The following CDH13 variants were observed in gnomAD, a reference collection of about 807,000 sequenced individuals.
CDH13 encodes the protein cadherin 13.
Under a neutral mutation model 63.8 loss-of-function variants are expected in CDH13, and 24 were observed. That is an observed-to-expected ratio of 0.38 (90% CI 0.27 to 0.53). The LOEUF (loss-of-function observed/expected upper bound fraction) is 0.53. Ranked by LOEUF, CDH13 falls within the 20% of genes least tolerant of loss-of-function variation. CDH13 has a pLI of 0.85. For synonymous variants in CDH13, 503 were observed against 355.3 expected, an observed-to-expected ratio of 1.42 and a Z score of -4.67; for missense variants, 1,049 against 903.1, an observed-to-expected ratio of 1.16 and a Z score of -2.07.
chr16:82,996,467 C>T lies in CDH13; in HGVS notation c.158-35543C>T, dbSNP rs189244890. On this transcript the variant is annotated intron_variant, in intron 2 of 13. Coordinates refer to ENST00000567109, the MANE Select transcript of CDH13 (RefSeq NM_001257.5). ...GCATGGTCCTGCTTTATCTCTCTGC[C>T]GGGCTAGTCTCCATGTTCATTAGAA... Among the ~76,000 whole-genome samples the T allele has an allele frequency of 2.2e-3, 342 of 152,124 alleles. 1 individual carries two copies. Among genetic ancestry groups the T allele is most frequent in the Middle Eastern group, 3.4e-3 (1 of 294 alleles).
intron 4 of CDH13, among the ~76,000 whole-genome samples, chr16:83,185,561 T>C (rs2038492484): frequency 6.6e-6 from 1 of 152,192 alleles, no homozygotes. Context: ...TAAGTCATGA[T>C]TTTTCATACT....
chr16:83,238,616 C>G (rs1371024347), intron 5 of CDH13, among the ~76,000 whole-genome samples: 1 of 152,104 alleles, frequency 6.6e-6, no homozygotes, highest in Non-Finnish European at 1.5e-5. Flanking sequence ...TTGTTTCTTA[C>G]CTAGGTTGGT....
chr16:83,653,254 T>C (rs1213723899), intron 8 of CDH13, among the ~76,000 whole-genome samples: 1 of 152,186 alleles, frequency 6.6e-6, no homozygotes, highest in African/African-American at 2.4e-5. Flanking sequence ...TCTGTGAATG[T>C]ACTGGAATCC....
intron 2 of CDH13, among the ~76,000 whole-genome samples, chr16:82,982,438 A>G (rs1173406699): frequency 2.0e-5 from 3 of 152,194 alleles, no homozygotes; most frequent in Non-Finnish European, 4.4e-5. Flanking sequence ...AAGTCCTAAA[A>G]AATCTAAAGT....
At chr16:83,723,718 C>T (rs1048300226) in intron 10 of CDH13, among the ~76,000 whole-genome samples, 9 of 152,332 alleles carry the variant, frequency 5.9e-5, no homozygotes, top group Non-Finnish European at 1.3e-4. Context: ...CTCCCTTCCT[C>T]TTGTAGAACA....
intron 1 of CDH13, among the ~76,000 whole-genome samples, chr16:82,839,023 C>G (rs7206608): frequency 0.32 from 48,231 of 152,172 alleles, 7,870 homozygotes; most frequent in African/African-American, 0.34. Context: ...AATAGGTAAA[C>G]CAATGAGCAT....
At chr16:83,048,724 C>T (rs1282237705) in intron 3 of CDH13, among the ~76,000 whole-genome samples, 1 of 152,114 alleles carries the variant, frequency 6.6e-6, no homozygotes, top group Non-Finnish European at 1.5e-5. Context: ...CCCTTGAACT[C>T]ACTCTTTTCT....
intron 2 of CDH13, among the ~76,000 whole-genome samples, chr16:83,018,267 A>G (rs947759301): frequency 6.6e-6 from 1 of 152,210 alleles, no homozygotes; most frequent in East Asian, 1.9e-4. Context: ...AGCCCTGCCA[A>G]TAATTATGGG....
At chr16:82,938,499 T>C (rs1026625954) in intron 2 of CDH13, among the ~76,000 whole-genome samples, 18 of 152,182 alleles carry the variant, frequency 1.2e-4, no homozygotes, top group Non-Finnish European at 2.5e-4. Context: ...GAGTCTGTGG[T>C]ATTAGAAACA....
At chr16:83,551,488 C>G (rs1391408898) in intron 7 of CDH13, among the ~76,000 whole-genome samples, 9 of 152,182 alleles carry the variant, frequency 5.9e-5, no homozygotes, top group African/African-American at 2.2e-4. Flanking sequence ...TAGTACCTTC[C>G]CAGCCTTGGG....
chr16:83,237,723 A>C (rs560324566), intron 5 of CDH13, among the ~76,000 whole-genome samples: 135 of 152,334 alleles, frequency 8.9e-4, no homozygotes, highest in Non-Finnish European at 1.6e-3. Context: ...CAAGTTGTTT[A>C]ATCGTGAACT....
intron 1 of CDH13, among the ~76,000 whole-genome samples, chr16:82,742,027 A>T (rs2033954682): frequency 6.6e-6 from 1 of 152,184 alleles, no homozygotes; most frequent in South Asian, 2.1e-4. Flanking sequence ...AAACACTCTA[A>T]ATTTCTTACA....
At chr16:82,705,025 C>A (rs541994186) in intron 1 of CDH13, 1 of 405,032 alleles carries the variant, frequency 2.5e-6, no homozygotes, top group South Asian at 1.8e-5. Context: ...TGCCACTGGA[C>A]GGGAAAATAA....
chr16:82,971,840 A>G (rs1420968947), intron 2 of CDH13, among the ~76,000 whole-genome samples: 3 of 152,160 alleles, frequency 2.0e-5, no homozygotes, highest in African/African-American at 7.2e-5. Context: ...TGAGGGGGGA[A>G]GTATCTTTTG....
At chr16:83,546,878 G>A (rs2075396245) in intron 7 of CDH13, among the ~76,000 whole-genome samples, 1 of 152,220 alleles carries the variant, frequency 6.6e-6, no homozygotes, top group Admixed American at 6.5e-5. Flanking sequence ...CAGTCTCTTT[G>A]CATCTGGCAC....
chr16:82,962,955 A>T (rs879444816), intron 2 of CDH13, among the ~76,000 whole-genome samples: 3 of 152,220 alleles, frequency 2.0e-5, no homozygotes, highest in Non-Finnish European at 4.4e-5. Flanking sequence ...ATTTAGTAAA[A>T]GGTGTAATTA....
chr16:83,542,636 G>C (rs370797468), intron 7 of CDH13, among the ~76,000 whole-genome samples: 2 of 152,196 alleles, frequency 1.3e-5, no homozygotes, highest in East Asian at 1.9e-4. Flanking sequence ...CTAGTCCAGG[G>C]GAGAATCCTT....
At chr16:82,985,322 C>T (rs970382279) in intron 2 of CDH13, among the ~76,000 whole-genome samples, 2 of 152,134 alleles carry the variant, frequency 1.3e-5, no homozygotes, top group African/African-American at 4.8e-5. Flanking sequence ...AGGGCTGATT[C>T]ATCCTATTCT....
In CDH13 at chr16:82,862,477, C is replaced by G. The variant is rs185048155; in HGVS notation, c.157+4004C>G. Among the ~76,000 whole-genome samples the G allele has an allele frequency of 2.3e-4, 35 of 152,314 alleles. No individual in the cohort carries two copies. In the East Asian group the frequency reaches 3.1e-3, roughly 13 times the overall value. On this transcript the variant is annotated intron_variant, in intron 2 of 13. Transcript: ENST00000567109. ...AGAAACCATACCCTTGACCTCCAGC[C>G]TCTATTAGCAGGGGATGAGTGCAGT...
Sources: gnomAD v4.1 joint callset for allele counts (sites outside exome capture counted in the v4.1 genomes callset) on GRCh38, gnomAD v4.1.1 for gene constraint, MANE v1.5 for transcripts, NCBI Gene and HGNC (gene_info 2026-07-23, HGNC 2026-07-21) for gene names.